FGFRL1: variants seen among roughly 807,000 people sequenced by gnomAD.
FGFRL1 encodes the protein fibroblast growth factor receptor like 1, also known as fibroblast growth factor receptor-like 1.
In FGFRL1, 24 loss-of-function variants were observed where a neutral mutation model predicts 36.8. The ratio of observed to expected loss-of-function variants is 0.65; its 90% CI spans 0.47 to 0.92. The LOEUF is 0.92. Ranked by LOEUF, FGFRL1 falls within the 40% of genes least tolerant of loss-of-function variation. The pLI, the probability that FGFRL1 is intolerant of heterozygous loss-of-function variation, is 0.00. For missense variants in FGFRL1, 785 were observed against 753.4 expected, an observed-to-expected ratio of 1.04 and a Z score of -0.49; for synonymous variants, 422 against 344.1, an observed-to-expected ratio of 1.23 and a Z score of -2.50.
intron 2 of FGFRL1, among the ~76,000 whole-genome samples, chr4:1,014,200 A>C (rs1242656385): frequency 6.6e-6 from 1 of 152,058 alleles, no homozygotes; most frequent in African/African-American, 2.4e-5. Context: ...GCACATCGCT[A>C]CACTCAGATC....
At chr4:1,019,725 AG>A (rs1716073979) in intron 2 of FGFRL1, among the ~76,000 whole-genome samples, 3 of 151,206 alleles carry the variant, frequency 2.0e-5, no homozygotes, top group Admixed American at 2.0e-4. Flanking sequence ...AGCTGCAGGG[AG>A]GGTAGGGAAG....
At chr4:1,022,601 G>C (rs1265376407) in intron 3 of FGFRL1, 126 bp downstream of exon 3, 1 of 1,238,134 alleles carries the variant, frequency 8.1e-7, no homozygotes, top group South Asian at 1.6e-5. Flanking sequence ...GCCTTCCTTC[G>C]GTGCCCTGCC....
intron 2 of FGFRL1, among the ~76,000 whole-genome samples, chr4:1,017,970 CTTGGGTGTGGGT>C (rs1313417947): frequency 6.6e-6 from 1 of 152,192 alleles, no homozygotes; most frequent in Non-Finnish European, 1.5e-5. Flanking sequence ...GGGAGAGGGG[CTTGGGTGTGGGT>C]TTGGACCACG....
At position 1,025,344 on chromosome 4, in the gene FGFRL1, C is replaced by T. The variant is rs1577572998; in HGVS notation, c.1512C>T (p.Cys504=). ...GKVHQHIHYQ[C] is the part of the protein sequence containing the mutation. Reference sequence around the variant, plus strand: ...TCCACCAGCACATCCACTATCAGTGCTAGACGGCACCGTATCTGCAGTGGG... The same window carrying T: ...TCCACCAGCACATCCACTATCAGTGTTAGACGGCACCGTATCTGCAGTGGG... The change falls in exon 7 of 7, where the codon TGC becomes TGT. Residue 504 remains cysteine, a synonymous_variant. Transcript: ENST00000510644. The T allele has an allele frequency of 6.5e-7, 1 of 1,544,396 alleles. No homozygotes were observed.
chr4:1,013,982 C>T (rs183955653), intron 2 of FGFRL1, among the ~76,000 whole-genome samples: 19 of 152,378 alleles, frequency 1.2e-4, no homozygotes, highest in Admixed American at 1.2e-3. Flanking sequence ...GGGCAGGGGC[C>T]TCTGTGGTTT....
intron 2 of FGFRL1, among the ~76,000 whole-genome samples, chr4:1,017,839 G>A (rs974602788): frequency 2.6e-5 from 4 of 152,256 alleles, no homozygotes; most frequent in Middle Eastern, 3.4e-3. Context: ...GAGGGAAGCC[G>A]GGCAGCCCCA....
rs115146999 is a variant in FGFRL1, at chr4:1,024,269, G to A, written c.719-42G>A. 1,588 of 1,542,072 alleles carry A rather than the reference G, an allele frequency of 1.0e-3. 24 individuals are homozygous for A. The African/African-American group carries it at 0.018, about 17-fold the overall frequency. ...CCAGGGTGCTGGCGGGGTAGAGTCC[G>A]GCGCGGCCCAGGAGCCATGCCCGCG... On this transcript the variant is annotated intron_variant, in intron 5 of 6. Transcript: ENST00000510644.
intron 2 of FGFRL1, among the ~76,000 whole-genome samples, chr4:1,018,989 G>A (rs1372219262): frequency 6.6e-6 from 1 of 152,164 alleles, no homozygotes; most frequent in African/African-American, 2.4e-5. Context: ...TGCCTACAGC[G>A]CTTGCAGGCC....
Position 1,023,887 on chromosome 4 carries a change from G to T in FGFRL1, c.504G>T (p.Val168=). 1 of 1,581,942 alleles carries T rather than the reference G, an allele frequency of 6.3e-7. No individual in the cohort carries two copies. Reference sequence around the variant, plus strand: ...TCGCACGGCCCGTGGGTAGCTCCGTGCGGCTCAAGTGCGTGGCCAGCGGGC... The same window carrying T: ...TCGCACGGCCCGTGGGTAGCTCCGTTCGGCTCAAGTGCGTGGCCAGCGGGC... ...RVIARPVGSS[V]RLKCVASGHP... is the part of the protein sequence containing the mutation. Residue 168 remains valine (V), a synonymous_variant, in exon 5 of 7, where the codon GTG becomes GTT. Transcript: ENST00000510644. The surrounding 1 kb of genome is among the most constrained non-coding windows in gnomAD (Gnocchi z 6.0).
At position 1,025,119 on chromosome 4, in the gene FGFRL1, C is replaced by T. The variant is rs1716438869; in HGVS notation, c.1287C>T (p.Asp429=). Residue 429 remains aspartate, a synonymous_variant, in exon 7 of 7, where the codon GAC becomes GAT. Transcript: ENST00000510644. ...GGACGGCCCGCGACCGCAGCGGAGACAAGGACCTTCCCTCGTTGGCCGCCC... is the reference window on the plus strand; with the variant it reads ...GGACGGCCCGCGACCGCAGCGGAGATAAGGACCTTCCCTCGTTGGCCGCCC... ...PPGTARDRSG[D]KDLPSLAALS... is the part of the protein sequence containing the mutation. The T allele has an allele frequency of 6.2e-7, 1 of 1,611,364 alleles. No individual in the cohort carries two copies. Among genetic ancestry groups the T allele is most frequent in the Admixed American group, 1.7e-5 (1 of 59,832 alleles).
In FGFRL1 at chr4:1,024,558, G is replaced by A; in HGVS notation, c.966G>A (p.Lys322=). The stretch of plus-strand genomic sequence containing the variant: ...GGCCCGACGGCTCCTACCTCAATAA[G>A]CTGCTCATCACCCGTGCCCGCCAGG... ...WSRPDGSYLN[K]LLITRARQDD... is the part of the protein sequence containing the mutation. Residue 322 remains lysine (K), a synonymous_variant, in exon 6 of 7, where the codon AAG becomes AAA. Transcript: ENST00000510644. 1 of 1,612,492 alleles carries A rather than the reference G, an allele frequency of 6.2e-7. No individual in the cohort carries two copies. The highest frequency in any genetic ancestry group is 8.5e-7 in the Non-Finnish European group (1 of 1,179,862).
At chr4:1,018,365 G>T (rs755306458) in intron 2 of FGFRL1, among the ~76,000 whole-genome samples, 19 of 152,272 alleles carry the variant, frequency 1.2e-4, no homozygotes, top group South Asian at 6.2e-4. Flanking sequence ...GGGTGGGGGG[G>T]GCGGCGGGAG....
upstream of FGFRL1, chr4:1,011,316 G>C (rs1320370321): frequency 6.6e-6 from 1 of 150,634 alleles, no homozygotes; most frequent in African/African-American, 2.4e-5. Flanking sequence ...GGGCGCGGCG[G>C]CTCCTGGCCG....
chr4:1,018,930 G>A (rs1716032983), intron 2 of FGFRL1, among the ~76,000 whole-genome samples: 2 of 152,168 alleles, frequency 1.3e-5, no homozygotes, highest in Admixed American at 6.5e-5. Flanking sequence ...GAGGGAGGCT[G>A]TTTGCTTTAG....
Position 1,025,008 on chromosome 4 carries a change from C to A in FGFRL1, c.1176C>A (p.Gly392=). The A allele has an allele frequency of 5.6e-6, 9 of 1,611,046 alleles. No homozygotes were observed. The highest frequency in any genetic ancestry group is 7.6e-6 in the Non-Finnish European group (9 of 1,179,722). Residue 392 remains glycine, a synonymous_variant, in exon 7 of 7, where the codon GGC becomes GGA. Coordinates refer to ENST00000510644, the MANE Select transcript of FGFRL1 (RefSeq NM_001004356.3). ...CAGCCGGCGCTGTCTTCATCCTGGG[C>A]ACCCTGCTCCTGTGGCTTTGCCAGG... ...GIPAGAVFIL[G]TLLLWLCQAQ...
At chr4:1,010,322 C>G (rs978014127), upstream of FGFRL1, among the ~76,000 whole-genome samples, 1 of 152,266 alleles carries the variant, frequency 6.6e-6, no homozygotes, top group African/African-American at 2.4e-5. Flanking sequence ...GCCGTCCGAG[C>G]GCACCTCCAT....
rs1716397292 is a variant in FGFRL1 at position 1,024,576 on chromosome 4, C to T, written c.984C>T (p.Ala328=). 1 of 1,612,446 alleles carries T rather than the reference C, an allele frequency of 6.2e-7. No individual in the cohort carries two copies. The highest frequency in any genetic ancestry group is 8.5e-7 in the Non-Finnish European group (1 of 1,179,838). Residue 328 remains alanine, a synonymous_variant, in exon 6 of 7, where the codon GCC becomes GCT. Coordinates refer to ENST00000510644, the MANE Select transcript of FGFRL1 (RefSeq NM_001004356.3). ...SYLNKLLITR[A]RQDDAGMYIC... The stretch of plus-strand genomic sequence containing the variant: ...TCAATAAGCTGCTCATCACCCGTGC[C>T]CGCCAGGACGATGCGGGCATGTACA...
intron 2 of FGFRL1, among the ~76,000 whole-genome samples, chr4:1,012,903 G>A (rs1560556893): frequency 6.6e-6 from 1 of 152,276 alleles, no homozygotes; most frequent in African/African-American, 2.4e-5. Flanking sequence ...GATTCTTGGG[G>A]AGTGGGCGGT....
At position 1,012,366 on chromosome 4, in the gene FGFRL1, C is replaced by T. The variant is rs187033618; in HGVS notation, c.-16-104C>T. On this transcript the variant is annotated intron_variant, in intron 1 of 6. Coordinates refer to ENST00000510644, the MANE Select transcript of FGFRL1 (RefSeq NM_001004356.3). ...CCGCCTGGAGCGCGGGCGGGGAGGG[C>T]CTGTGGGGAGGGCGGCCAGACCCCT... The T allele has an allele frequency of 6.4e-4, 860 of 1,350,912 alleles. 6 individuals are homozygous for T. Among genetic ancestry groups the T allele is most frequent in the African/African-American group, 4.8e-3 (318 of 66,498 alleles). The allele number at this position is 1,350,912 out of a possible 1,614,324, so 83.7% of individuals were successfully genotyped here.
Sources: gnomAD v4.1 joint callset for allele counts (sites outside exome capture counted in the v4.1 genomes callset) on GRCh38, gnomAD v4.1.1 for gene constraint, Gnocchi (gnomAD v3.1) non-coding constraint, MANE v1.5 for transcripts, NCBI Gene and HGNC (gene_info 2026-07-23, HGNC 2026-07-21) for gene names.